The following MED12L variants were observed in gnomAD, a reference collection of about 807,000 sequenced individuals.
MED12L encodes mediator complex subunit 12L, also known as mediator of RNA polymerase II transcription subunit 12-like protein.
A neutral mutation model predicts 281.3 loss-of-function variants in MED12L; 60 were observed. The ratio of observed to expected loss-of-function variants is 0.21; its 90% CI spans 0.17 to 0.26. The LOEUF is 0.26. Ranked by LOEUF, MED12L falls within the 10% of genes least tolerant of loss-of-function variation. The pLI, the probability that MED12L is intolerant of heterozygous loss-of-function variation, is 1.00. For missense variants in MED12L, 2,146 were observed against 2,680.9 expected (o/e 0.80, Z 4.41); for synonymous variants, 974 against 987.2 (o/e 0.99, Z 0.25).
At chr3:151,410,784 A>G (rs1002939358) in intron 40 of MED12L, among the ~76,000 whole-genome samples, 1 of 152,246 alleles carries the variant, frequency 6.6e-6, no homozygotes, top group African/African-American at 2.4e-5. Context: ...GTTAGTTACT[A>G]CACACACATT....
At chr3:151,136,284 G>A (rs1716130614) in intron 5 of MED12L, among the ~76,000 whole-genome samples, 1 of 152,206 alleles carries the variant, frequency 6.6e-6, no homozygotes, top group Non-Finnish European at 1.5e-5. Context: ...AAGCCTACCA[G>A]CTTACTTGCA....
intron 16 of MED12L, among the ~76,000 whole-genome samples, chr3:151,317,745 C>T (rs192452698): frequency 4.0e-4 from 61 of 151,922 alleles, no homozygotes; most frequent in African/African-American, 1.4e-3. Context: ...CCACTGCGCC[C>T]GGCCACTTTT....
At chr3:151,325,098 G>A (rs557176821) in intron 16 of MED12L, among the ~76,000 whole-genome samples, 1 of 152,190 alleles carries the variant, frequency 6.6e-6, no homozygotes, top group East Asian at 1.9e-4. Flanking sequence ...AAATGGATAT[G>A]GAATGTAAGA....
intron 16 of MED12L, among the ~76,000 whole-genome samples, chr3:151,262,839 C>G (rs1739152284): frequency 6.6e-6 from 1 of 152,074 alleles, no homozygotes; most frequent in Admixed American, 6.6e-5. Flanking sequence ...CTGATAGCTT[C>G]TATATAAAGT....
chr3:151,116,513 T>C, intron 3 of MED12L, 71 bp downstream of exon 3: 1 of 973,326 alleles, frequency 1.0e-6, no homozygotes. Flanking sequence ...ATAATCACTG[T>C]TGATAAATTA....
At chr3:151,208,163 T>A (rs1461575775) in intron 16 of MED12L, among the ~76,000 whole-genome samples, 1 of 152,226 alleles carries the variant, frequency 6.6e-6, no homozygotes, top group South Asian at 2.1e-4. Context: ...TAGCCAGATA[T>A]GAACTACACT....
chr3:151,374,124 G>A (rs1023110639), intron 27 of MED12L, among the ~76,000 whole-genome samples: 2 of 152,042 alleles, frequency 1.3e-5, no homozygotes, highest in East Asian at 1.9e-4. Context: ...TCCCAAAAAC[G>A]TCAATTTACT....
At chr3:151,414,518 C>T (rs188223568) in intron 42 of MED12L, among the ~76,000 whole-genome samples, 8 of 152,276 alleles carry the variant, frequency 5.3e-5, no homozygotes, top group African/African-American at 1.7e-4. Flanking sequence ...AATATCTCCC[C>T]TGAGCATTTG....
intron 4 of MED12L, among the ~76,000 whole-genome samples, chr3:151,125,203 C>G (rs531833044): frequency 6.6e-6 from 1 of 152,266 alleles, no homozygotes; most frequent in South Asian, 2.1e-4. Context: ...ACGTATTTTT[C>G]TTTTTGAGTG....
At chr3:151,144,152 C>CT (rs1717436511) in intron 5 of MED12L, among the ~76,000 whole-genome samples, 2 of 152,020 alleles carry the variant, frequency 1.3e-5, no homozygotes, top group Admixed American at 6.5e-5. Context: ...GGTGGTGTGA[C>CT]TGATGTGTCA....
At chr3:151,106,293 CCTTTT>C (rs1722026093) in intron 2 of MED12L, among the ~76,000 whole-genome samples, 1 of 116,234 alleles carries the variant, frequency 8.6e-6, no homozygotes, top group Non-Finnish European at 1.7e-5. Context: ...TTTTCCTTTT[CCTTTT>C]CCTTTTCCTT....
At position 151,365,940 on chromosome 3, in the gene MED12L, T is replaced by C. The variant is rs369370148; in HGVS notation, c.3276T>C (p.Cys1092=). The C allele has an allele frequency of 1.1e-5, 18 of 1,613,372 alleles. No homozygotes were observed. The highest frequency in any genetic ancestry group is 1.5e-5 in the Non-Finnish European group (18 of 1,179,558). The change falls in exon 23 of 45, where the codon TGT becomes TGC. Residue 1092 remains cysteine, a synonymous_variant. Transcript: ENST00000687756. ...SEWLGVLKAL[C]CSSNHVWGFN... ...GGCTGGGGGTTCTGAAGGCTCTTTG[T>C]TGTTCTTCAAATCACGTGTGGGGGT...
chr3:151,398,648 A>G (rs1293049369), intron 39 of MED12L, among the ~76,000 whole-genome samples: 1 of 152,212 alleles, frequency 6.6e-6, no homozygotes, highest in Non-Finnish European at 1.5e-5. Flanking sequence ...GCATATGGAC[A>G]TGCAGAAAGA....
intron 39 of MED12L, among the ~76,000 whole-genome samples, chr3:151,395,393 G>A (rs1484174553): frequency 6.6e-6 from 1 of 152,140 alleles, no homozygotes; most frequent in African/African-American, 2.4e-5. Flanking sequence ...GTCAGGATCT[G>A]GATACATTCA....
At chr3:151,338,349 T>A in intron 16 of MED12L, 1 of 1,614,158 alleles carries the variant, frequency 6.2e-7, no homozygotes, top group South Asian at 1.1e-5. Flanking sequence ...GTCTCTCGGC[T>A]GCCTGTTGGT....
intron 39 of MED12L, among the ~76,000 whole-genome samples, chr3:151,398,547 T>C (rs1008427800): frequency 7.2e-5 from 11 of 152,214 alleles, no homozygotes; most frequent in African/African-American, 2.7e-4. Flanking sequence ...AGACAACAAG[T>C]GCTGAATAGC....
At chr3:151,348,572 TC>T (rs1286735541) in intron 16 of MED12L, among the ~76,000 whole-genome samples, 1 of 150,204 alleles carries the variant, frequency 6.7e-6, no homozygotes, top group Non-Finnish European at 1.5e-5. Flanking sequence ...GCTCCTAGCT[TC>T]TTTTTTTTTT....
intron 16 of MED12L, among the ~76,000 whole-genome samples, chr3:151,257,133 A>G (rs547219967): frequency 1.2e-4 from 19 of 152,144 alleles, no homozygotes; most frequent in Non-Finnish European, 2.5e-4. Context: ...TGAGCTGTTA[A>G]GTTTTCTAGA....
At chr3:151,280,347 G>A (rs913651452) in intron 16 of MED12L, among the ~76,000 whole-genome samples, 7 of 152,132 alleles carry the variant, frequency 4.6e-5, no homozygotes, top group African/African-American at 1.7e-4. Context: ...AACACTCTGT[G>A]TGTTTTAGCT....
Sources: gnomAD v4.1 joint callset for allele counts (sites outside exome capture counted in the v4.1 genomes callset) on GRCh38, gnomAD v4.1.1 for gene constraint, MANE v1.5 for transcripts, NCBI Gene and HGNC (gene_info 2026-07-23, HGNC 2026-07-21) for gene names.